The following GALNT13 variants were observed in gnomAD, a reference collection of about 807,000 sequenced individuals.
The protein encoded by GALNT13 is UDP-GalNAc:polypeptide N-acetylgalactosaminyltransferase 13.
GALNT13 carries 28 observed loss-of-function variants against 64.2 expected under a neutral mutation model. The ratio of observed to expected loss-of-function variants is 0.44; its 90% CI spans 0.32 to 0.60. The LOEUF (loss-of-function observed/expected upper bound fraction) is 0.60, where lower values mean the gene tolerates loss of function less well. Ranked by LOEUF, GALNT13 falls within the 20% of genes least tolerant of loss-of-function variation. GALNT13 has a pLI of 0.05. For missense variants in GALNT13, 577 were observed against 669.8 expected, an observed-to-expected ratio of 0.86 and a Z score of 1.53; for synonymous variants, 214 against 224.6, an observed-to-expected ratio of 0.95 and a Z score of 0.42.
the GALNT13 span, among the ~76,000 whole-genome samples, chr2:153,390,658 T>C: frequency 2.0e-5 from 3 of 152,100 alleles, no homozygotes; most frequent in African/African-American, 7.2e-5. Flanking sequence ...TACATTATTA[T>C]GGTTTTATTG....
the GALNT13 span, among the ~76,000 whole-genome samples, chr2:153,829,544 C>G: frequency 6.6e-6 from 1 of 152,108 alleles, no homozygotes; most frequent in Non-Finnish European, 1.5e-5. Context: ...TCAATTACCT[C>G]CTACTGGGTT....
intron 3 of GALNT13, among the ~76,000 whole-genome samples, chr2:153,995,253 A>T (rs960202559): frequency 5.9e-5 from 9 of 152,086 alleles, no homozygotes; most frequent in Admixed American, 3.3e-4. Context: ...AAATGCATAA[A>T]ATCAACGCCT....
At chr2:153,871,737 C>A (rs1005617889), upstream of GALNT13, among the ~76,000 whole-genome samples, 3 of 152,154 alleles carry the variant, frequency 2.0e-5, no homozygotes, top group South Asian at 6.2e-4. Flanking sequence ...CGGTGCGCAC[C>A]GCCCCAGCCC....
At chr2:153,301,744 C>T in the GALNT13 span, among the ~76,000 whole-genome samples, 3 of 152,088 alleles carry the variant, frequency 2.0e-5, no homozygotes, top group Admixed American at 1.3e-4. Flanking sequence ...AAAGTTCACA[C>T]ATAAGTGAGG....
the GALNT13 span, among the ~76,000 whole-genome samples, chr2:153,403,454 A>G: frequency 2.0e-5 from 3 of 152,088 alleles, no homozygotes; most frequent in Non-Finnish European, 2.9e-5. Flanking sequence ...GGTGGGCTCC[A>G]CCCAGTTCGA....
the GALNT13 span, among the ~76,000 whole-genome samples, chr2:153,829,325 A>G: frequency 6.6e-6 from 1 of 152,154 alleles, no homozygotes; most frequent in Non-Finnish European, 1.5e-5. Flanking sequence ...CAAAAGAAAG[A>G]GGTTTAATGG....
chr2:153,269,025 G>A, the GALNT13 span, among the ~76,000 whole-genome samples: 1 of 152,172 alleles, frequency 6.6e-6, no homozygotes, highest in Non-Finnish European at 1.5e-5. Flanking sequence ...ATGCCATGAA[G>A]ACATTATCTC....
the GALNT13 span, among the ~76,000 whole-genome samples, chr2:153,480,255 CT>C: frequency 6.6e-6 from 1 of 152,140 alleles, no homozygotes; most frequent in Admixed American, 6.6e-5. Flanking sequence ...ATTTCTGTTT[CT>C]TAAAACATCA....
At chr2:153,803,293 G>A in the GALNT13 span, among the ~76,000 whole-genome samples, 1 of 152,090 alleles carries the variant, frequency 6.6e-6, no homozygotes, top group African/African-American at 2.4e-5. Flanking sequence ...TGAAGCCCTA[G>A]CCCCCAATAT....
At chr2:153,711,552 C>T in the GALNT13 span, among the ~76,000 whole-genome samples, 1 of 152,074 alleles carries the variant, frequency 6.6e-6, no homozygotes, top group African/African-American at 2.4e-5. Context: ...TTGGCAGTCA[C>T]CTGGATTTCC....
chr2:153,518,055 A>G, the GALNT13 span, among the ~76,000 whole-genome samples: 1 of 152,140 alleles, frequency 6.6e-6, no homozygotes, highest in Non-Finnish European at 1.5e-5. Context: ...CTGAGAAAAC[A>G]TGGTAGCTCA....
At chr2:154,084,142 T>A (rs966726196) in intron 3 of GALNT13, among the ~76,000 whole-genome samples, 2 of 151,934 alleles carry the variant, frequency 1.3e-5, no homozygotes, top group African/African-American at 4.8e-5. Flanking sequence ...CAAACAATAA[T>A]GGTCCAGATG....
chr2:154,363,559 A>G (rs1293570182), intron 9 of GALNT13, among the ~76,000 whole-genome samples: 2 of 152,198 alleles, frequency 1.3e-5, no homozygotes, highest in Non-Finnish European at 2.9e-5. Context: ...AGAAAATTAA[A>G]CCACATTCTA....
the GALNT13 span, among the ~76,000 whole-genome samples, chr2:153,555,361 A>AT: frequency 2.2e-5 from 3 of 136,386 alleles, 1 homozygote; most frequent in East Asian, 6.3e-4. Context: ...CGCCCGGCTA[A>AT]TTTTTTGTAT....
intron 1 of GALNT13, among the ~76,000 whole-genome samples, chr2:153,898,497 A>T (rs1027834291): frequency 1.3e-5 from 2 of 152,256 alleles, no homozygotes; most frequent in African/African-American, 4.8e-5. Context: ...TGTTTAATGT[A>T]TCATAATTAT....
At chr2:154,024,725 G>A (rs534947282) in intron 3 of GALNT13, among the ~76,000 whole-genome samples, 30 of 152,166 alleles carry the variant, frequency 2.0e-4, no homozygotes, top group Non-Finnish European at 2.6e-4. Context: ...GCTTTGTTCC[G>A]TTGCTGGTGA....
chr2:153,358,285 A>G, the GALNT13 span, among the ~76,000 whole-genome samples: 1 of 152,200 alleles, frequency 6.6e-6, no homozygotes, highest in Non-Finnish European at 1.5e-5. Flanking sequence ...AAATATCTCC[A>G]AATTTACCTG....
At chr2:153,440,049 C>T in the GALNT13 span, among the ~76,000 whole-genome samples, 1 of 152,158 alleles carries the variant, frequency 6.6e-6, no homozygotes, top group Non-Finnish European at 1.5e-5. Flanking sequence ...GTTTGCTGCA[C>T]CCATCAACCC....
intron 9 of GALNT13, among the ~76,000 whole-genome samples, chr2:154,357,891 C>A (rs868796379): frequency 6.6e-6 from 1 of 152,144 alleles, no homozygotes; most frequent in East Asian, 1.9e-4. Flanking sequence ...ATGACTAAAT[C>A]AAATAAAACT....
Sources: gnomAD v4.1 joint callset for allele counts (sites outside exome capture counted in the v4.1 genomes callset) on GRCh38, gnomAD v4.1.1 for gene constraint, MANE v1.5 for transcripts, NCBI Gene and HGNC (gene_info 2026-07-23, HGNC 2026-07-21) for gene names.